DDX10: variants seen among roughly 807,000 people sequenced by gnomAD.
DDX10 encodes the protein DEAD-box helicase 10, also known as probable ATP-dependent RNA helicase DDX10.
In DDX10, 74 loss-of-function variants were observed where a neutral mutation model predicts 104.3. The observed-to-expected ratio is 0.71, with a 90% confidence interval of 0.59 to 0.86. DDX10 has a LOEUF of 0.86. DDX10 is among the 40% of genes least tolerant of loss of function. DDX10 has a pLI of 0.00. For missense variants in DDX10, 952 were observed against 1,040.0 expected (o/e 0.92, Z 1.16); for synonymous variants, 351 against 353.4 (o/e 0.99, Z 0.08).
intron 16 of DDX10, among the ~76,000 whole-genome samples, chr11:108,886,753 G>A (rs765765607): frequency 2.0e-5 from 3 of 152,152 alleles, no homozygotes; most frequent in African/African-American, 4.8e-5. Flanking sequence ...TAACCACCAA[G>A]TTAAGTTTGA....
intron 13 of DDX10, among the ~76,000 whole-genome samples, chr11:108,816,597 G>C (rs954749962): frequency 2.0e-5 from 3 of 147,992 alleles, no homozygotes; most frequent in Non-Finnish European, 4.4e-5. Context: ...CTGGCGCCCA[G>C]GCTGGAGTAC....
At chr11:108,788,409 C>T (rs1439038240) in intron 13 of DDX10, among the ~76,000 whole-genome samples, 1 of 151,882 alleles carries the variant, frequency 6.6e-6, no homozygotes, top group Non-Finnish European at 1.5e-5. Context: ...GCTCCCTAGG[C>T]TGGAGTGCAA....
chr11:108,901,138 C>T (rs1863512030), intron 16 of DDX10, among the ~76,000 whole-genome samples: 1 of 152,146 alleles, frequency 6.6e-6, no homozygotes, highest in South Asian at 2.1e-4. Context: ...ATGTCACTGC[C>T]TCCTTCGTTT....
At chr11:108,769,324 A>G (rs1329855127) in intron 13 of DDX10, among the ~76,000 whole-genome samples, 23 of 151,510 alleles carry the variant, frequency 1.5e-4, no homozygotes, top group Admixed American at 1.5e-3. Flanking sequence ...TTCATCTTCT[A>G]GTTCATCTCT....
intron 16 of DDX10, among the ~76,000 whole-genome samples, chr11:108,915,259 A>G (rs1565317575): frequency 1.3e-5 from 2 of 152,192 alleles, no homozygotes; most frequent in Non-Finnish European, 2.9e-5. Flanking sequence ...CCAGAGGAAA[A>G]TGATACTTGC....
At chr11:108,853,248 C>T (rs920868897) in intron 16 of DDX10, among the ~76,000 whole-genome samples, 2 of 152,058 alleles carry the variant, frequency 1.3e-5, no homozygotes, top group East Asian at 3.9e-4. Context: ...ATGGCAGAAC[C>T]ACCACTAGAT....
chr11:108,686,922 C>T (rs2094244996), intron 6 of DDX10, among the ~76,000 whole-genome samples: 1 of 151,914 alleles, frequency 6.6e-6, no homozygotes, highest in African/African-American at 2.4e-5. Flanking sequence ...GTAGCTGGGA[C>T]TACAGGTGCC....
intron 10 of DDX10, 42 bp downstream of exon 10, chr11:108,706,879 G>A: frequency 1.3e-6 from 2 of 1,534,700 alleles, no homozygotes; most frequent in Non-Finnish European, 1.8e-6. Context: ...GGAAAATGAG[G>A]GCATGAAATT....
intron 13 of DDX10, among the ~76,000 whole-genome samples, chr11:108,744,807 T>A (rs531826430): frequency 1.3e-5 from 2 of 152,248 alleles, no homozygotes; most frequent in South Asian, 4.1e-4. Context: ...ATAAAATATT[T>A]TTAATTTGGC....
At chr11:108,864,554 C>G (rs1011413975) in intron 16 of DDX10, among the ~76,000 whole-genome samples, 13 of 151,972 alleles carry the variant, frequency 8.6e-5, no homozygotes, top group African/African-American at 2.9e-4. Context: ...CTCACTGCAG[C>G]CTTGACTTCC....
intron 17 of DDX10, among the ~76,000 whole-genome samples, chr11:108,926,185 A>G (rs1042602395): frequency 6.6e-6 from 1 of 152,122 alleles, no homozygotes; most frequent in Admixed American, 6.5e-5. Context: ...TATACCTTCT[A>G]AACTGCTGTG....
chr11:108,874,401 G>C (rs190469864), intron 16 of DDX10, among the ~76,000 whole-genome samples: 1 of 152,114 alleles, frequency 6.6e-6, no homozygotes, highest in African/African-American at 2.4e-5. Flanking sequence ...AGATCCCAAG[G>C]CCTTTCAAGA....
chr11:108,830,028 T>G (rs1407720073), intron 13 of DDX10, among the ~76,000 whole-genome samples: 2 of 152,212 alleles, frequency 1.3e-5, no homozygotes, highest in Non-Finnish European at 2.9e-5. Flanking sequence ...TTACTTAGTC[T>G]TGCTCTGGCC....
chr11:108,799,095 G>A (rs1010896140), intron 13 of DDX10, among the ~76,000 whole-genome samples: 39 of 152,152 alleles, frequency 2.6e-4, no homozygotes, highest in African/African-American at 8.4e-4. Context: ...AGATATGATA[G>A]TCTGCTGAAA....
intron 13 of DDX10, among the ~76,000 whole-genome samples, chr11:108,725,614 A>G (rs1235488980): frequency 1.3e-5 from 2 of 151,992 alleles, no homozygotes; most frequent in Non-Finnish European, 2.9e-5. Flanking sequence ...CTTTGGTGAA[A>G]TGTCTTCAAG....
chr11:108,778,206 A>C (rs1312411241), intron 13 of DDX10, among the ~76,000 whole-genome samples: 1 of 152,210 alleles, frequency 6.6e-6, no homozygotes, highest in Non-Finnish European at 1.5e-5. Flanking sequence ...TAAAGTTCAT[A>C]TGGAACCAAA....
rs562429339 is a variant in DDX10, at chr11:108,802,756, T to G, written c.1966-35690T>G. Among the ~76,000 whole-genome samples, 328 of 152,310 alleles carry G rather than the reference T, an allele frequency of 2.2e-3. 2 individuals are homozygous for G. Among genetic ancestry groups the G allele is most frequent in the African/African-American group, 7.5e-3 (311 of 41,560 alleles). ...GTGCTTTGTGAAAATCCCCCCTCCC[T>G]CCTATTAACATAGTGAATTTTTGAA... On this transcript the variant is annotated intron_variant, in intron 13 of 17. Coordinates refer to ENST00000322536, the MANE Select transcript of DDX10 (RefSeq NM_004398.4).
intron 17 of DDX10, chr11:108,920,654 CAGTT>C (rs1171203491): frequency 2.0e-5 from 3 of 152,322 alleles, no homozygotes; most frequent in Non-Finnish European, 2.9e-5. Context: ...TCTAGAATCT[CAGTT>C]AGGTTGTATA....
intron 13 of DDX10, among the ~76,000 whole-genome samples, chr11:108,733,707 C>T (rs1354179783): frequency 6.6e-6 from 1 of 152,106 alleles, no homozygotes; most frequent in Non-Finnish European, 1.5e-5. Context: ...TTTCACTTCC[C>T]ACTTACACTG....
Sources: allele counts gnomAD v4.1 joint callset (sites outside exome capture counted in the v4.1 genomes callset), GRCh38; gene constraint gnomAD v4.1.1; transcripts MANE v1.5; gene names NCBI Gene and HGNC (gene_info 2026-07-23, HGNC 2026-07-21).